The following SERPINB7 variants were observed in gnomAD, a reference collection of about 807,000 sequenced individuals.
SERPINB7 encodes the protein serpin family B member 7, also known as serpin B7.
SERPINB7 carries 31 observed loss-of-function variants against 37.4 expected under a neutral mutation model. The ratio of observed to expected loss-of-function variants is 0.83; its 90% CI spans 0.62 to 1.12. SERPINB7 has a LOEUF of 1.12. Among genes scored for constraint, SERPINB7 ranks in the 50% most tolerant of loss-of-function variants. The pLI is 0.00. For missense variants in SERPINB7, 521 were observed against 455.3 expected (o/e 1.14, Z -1.31); for synonymous variants, 163 against 166.1 (o/e 0.98, Z 0.14).
chr18:63,799,310 A>T (rs562298094), intron 6 of SERPINB7, among the ~76,000 whole-genome samples: 2 of 152,242 alleles, frequency 1.3e-5, no homozygotes, highest in African/African-American at 4.8e-5. Flanking sequence ...ATTTGTACAC[A>T]GTAATCTTAG....
At chr18:63,773,850 A>G (rs1238170403), upstream of SERPINB7, among the ~76,000 whole-genome samples, 1 of 152,164 alleles carries the variant, frequency 6.6e-6, no homozygotes, top group Non-Finnish European at 1.5e-5. Context: ...AGTTAATGTG[A>G]AGAAGAAAAC....
upstream of SERPINB7, among the ~76,000 whole-genome samples, chr18:63,773,316 C>CA (rs2049222311): frequency 6.6e-6 from 1 of 152,104 alleles, no homozygotes; most frequent in African/African-American, 2.4e-5. Context: ...AAATAAAACA[C>CA]AAATGACATC....
At chr18:63,780,813 G>A (rs939238744) in intron 1 of SERPINB7, among the ~76,000 whole-genome samples, 3 of 152,166 alleles carry the variant, frequency 2.0e-5, no homozygotes, top group Non-Finnish European at 1.5e-5. Flanking sequence ...AGGGTGTCAT[G>A]CCTCAGTGGT....
chr18:63,790,984 T>C (rs2049420732), intron 2 of SERPINB7, among the ~76,000 whole-genome samples: 1 of 152,200 alleles, frequency 6.6e-6, no homozygotes, highest in Admixed American at 6.5e-5. Context: ...TCATGTCCTT[T>C]GCAGGGACAT....
At chr18:63,761,149 C>G (rs2049151552) in intron 1 of SERPINB7, among the ~76,000 whole-genome samples, 1 of 152,210 alleles carries the variant, frequency 6.6e-6, no homozygotes, top group Non-Finnish European at 1.5e-5. Flanking sequence ...GCAGAGCTGT[C>G]CAAGACCATG....
chr18:63,763,749 G>C (rs1289369471), intron 1 of SERPINB7, among the ~76,000 whole-genome samples: 1 of 152,180 alleles, frequency 6.6e-6, no homozygotes, highest in Non-Finnish European at 1.5e-5. Context: ...TAATAAGGCA[G>C]AAATTATTGG....
intron 1 of SERPINB7, among the ~76,000 whole-genome samples, chr18:63,761,646 G>A (rs553642392): frequency 4.3e-4 from 65 of 152,236 alleles, no homozygotes; most frequent in African/African-American, 1.4e-3. Flanking sequence ...TTGAATCATG[G>A]AGGCCAGTCT....
At chr18:63,785,532 C>T (rs959323394) in intron 2 of SERPINB7, among the ~76,000 whole-genome samples, 4 of 152,134 alleles carry the variant, frequency 2.6e-5, no homozygotes, top group African/African-American at 4.8e-5. Context: ...AACTCTGGCT[C>T]ATTTACTCTA....
intron 1 of SERPINB7, among the ~76,000 whole-genome samples, chr18:63,778,561 G>T (rs943257045): frequency 2.0e-5 from 3 of 152,050 alleles, no homozygotes; most frequent in Non-Finnish European, 2.9e-5. Context: ...TATCAGTTAG[G>T]TGTAATAAGT....
chr18:63,803,369 A>G (rs2049570476), intron 7 of SERPINB7, among the ~76,000 whole-genome samples: 2 of 152,212 alleles, frequency 1.3e-5, no homozygotes, highest in African/African-American at 4.8e-5. Flanking sequence ...TAAGAATACA[A>G]GTTAAATTTA....
At chr18:63,790,391 C>T (rs1169751482) in intron 2 of SERPINB7, among the ~76,000 whole-genome samples, 7 of 152,144 alleles carry the variant, frequency 4.6e-5, no homozygotes, top group Non-Finnish European at 8.8e-5. Flanking sequence ...TAAAAACAGT[C>T]AGCTTTGGGG....
At chr18:63,777,202 C>CAT (rs1031025585) in intron 1 of SERPINB7, among the ~76,000 whole-genome samples, 3 of 151,910 alleles carry the variant, frequency 2.0e-5, no homozygotes, top group Non-Finnish European at 2.9e-5. Context: ...GCAACACACA[C>CAT]ATATATATAT....
chr18:63,754,119 T>G (rs1292174825), intron 1 of SERPINB7, among the ~76,000 whole-genome samples: 1 of 152,250 alleles, frequency 6.6e-6, no homozygotes, highest in Non-Finnish European at 1.5e-5. Context: ...TTAATGCTAA[T>G]ATATAAGCAT....
At chr18:63,785,124 A>C (rs1006039455) in intron 2 of SERPINB7, among the ~76,000 whole-genome samples, 9 of 152,254 alleles carry the variant, frequency 5.9e-5, no homozygotes, top group African/African-American at 1.7e-4. Context: ...AGGCAACTAC[A>C]GACACAAAAA....
Position 63,764,660 on chromosome 18 carries a change from T to A in SERPINB7, c.-19+11540T>A, listed in dbSNP as rs569961475. On this transcript the variant is annotated intron_variant, in intron 1 of 7. Transcript: ENST00000336429. ...AAACAATTTTAATTGGCAAAAAAAATGGACATATGAATGGAGCAGAGTGTA... is the reference window on the plus strand; with the variant it reads ...AAACAATTTTAATTGGCAAAAAAAAAGGACATATGAATGGAGCAGAGTGTA... Among the ~76,000 whole-genome samples, 153 of 150,402 alleles carry A rather than the reference T, an allele frequency of 1.0e-3. 1 individual carries two copies. The East Asian group carries it at 0.029, about 29-fold the overall frequency.
chr18:63,766,641 T>C (rs2049182310), intron 1 of SERPINB7, among the ~76,000 whole-genome samples: 1 of 152,076 alleles, frequency 6.6e-6, no homozygotes, highest in Admixed American at 6.6e-5. Flanking sequence ...TCTTTCTCCT[T>C]CACCGTCTAT....
upstream of SERPINB7, among the ~76,000 whole-genome samples, chr18:63,773,857 A>G (rs1024441348): frequency 7.9e-5 from 12 of 152,270 alleles, no homozygotes; most frequent in African/African-American, 2.6e-4. Context: ...GTGAAGAAGA[A>G]AACAATGGTG....
At chr18:63,792,613 A>G (rs911579895) in intron 3 of SERPINB7, among the ~76,000 whole-genome samples, 170 bp downstream of exon 3, 3 of 152,188 alleles carry the variant, frequency 2.0e-5, no homozygotes, top group Non-Finnish European at 4.4e-5. Context: ...ATATACAAAA[A>G]TTAGTTTATA....
intron 7 of SERPINB7, among the ~76,000 whole-genome samples, chr18:63,801,491 T>C (rs1255917144): frequency 6.6e-6 from 1 of 152,118 alleles, no homozygotes; most frequent in Admixed American, 6.5e-5. Context: ...GGGCACAGCA[T>C]TGTAGTAAAG....
Sources: gnomAD v4.1 joint callset for allele counts (sites outside exome capture counted in the v4.1 genomes callset) on GRCh38, gnomAD v4.1.1 for gene constraint, MANE v1.5 for transcripts, NCBI Gene and HGNC (gene_info 2026-07-23, HGNC 2026-07-21) for gene names.